The following ZNF704 variants were observed in gnomAD, a reference collection of about 807,000 sequenced individuals.
The protein encoded by ZNF704 is glucocorticoid induced gene 1.
ZNF704 carries 10 observed loss-of-function variants against 44.7 expected under a neutral mutation model. The ratio of observed to expected loss-of-function variants is 0.22; its 90% confidence interval spans 0.14 to 0.38. ZNF704 has a LOEUF of 0.38. Among genes scored for constraint, ZNF704 ranks in the 10% least tolerant of loss-of-function variants. The pLI is 1.00. For synonymous variants in ZNF704, 211 were observed against 207.6 expected (o/e 1.02, Z -0.14); for missense variants, 390 against 545.5 (o/e 0.71, Z 2.84).
intron 2 of ZNF704, among the ~76,000 whole-genome samples, chr8:80,736,260 G>A (rs1471171595): frequency 2.6e-5 from 4 of 152,120 alleles, no homozygotes; most frequent in African/African-American, 4.8e-5. Flanking sequence ...CGGAATGTTG[G>A]TAGCCCATAT....
intron 2 of ZNF704, among the ~76,000 whole-genome samples, chr8:80,786,153 C>T (rs1460698986): frequency 6.6e-6 from 1 of 152,168 alleles, no homozygotes; most frequent in Non-Finnish European, 1.5e-5. Flanking sequence ...GTTCCAGCTA[C>T]TCGGGAGGCT....
intron 2 of ZNF704, among the ~76,000 whole-genome samples, chr8:80,798,060 TC>T (rs1324829014): frequency 6.6e-6 from 1 of 152,180 alleles, no homozygotes; most frequent in African/African-American, 2.4e-5. Context: ...GCTCTTTTTT[TC>T]ATTTTAATTT....
At chr8:80,858,671 C>A (rs547850007) in intron 1 of ZNF704, among the ~76,000 whole-genome samples, 2 of 150,890 alleles carry the variant, frequency 1.3e-5, no homozygotes, top group Non-Finnish European at 2.9e-5. Flanking sequence ...GGCAACACAG[C>A]GAGATTCTGT....
At chr8:80,841,021 C>T (rs1808668752) in intron 1 of ZNF704, among the ~76,000 whole-genome samples, 1 of 152,164 alleles carries the variant, frequency 6.6e-6, no homozygotes. Context: ...AACAAGACAA[C>T]TGCACATAGC....
intron 2 of ZNF704, among the ~76,000 whole-genome samples, chr8:80,795,610 C>T (rs1254395103): frequency 1.3e-5 from 2 of 151,510 alleles, no homozygotes; most frequent in Non-Finnish European, 2.9e-5. Context: ...CCTAGCTACT[C>T]GGGAGGCTGC....
intron 7 of ZNF704, among the ~76,000 whole-genome samples, chr8:80,653,295 CAT>C (rs1817954146): frequency 6.6e-6 from 1 of 152,116 alleles, no homozygotes. Flanking sequence ...TCCTATTCAA[CAT>C]AGTGTTGGAA....
chr8:80,687,335 G>C lies in ZNF704; in HGVS notation c.449C>G (p.Ser150Trp), dbSNP rs756788376. Residue 150 changes from serine to tryptophan, a missense_variant, in exon 4 of 9, where the codon TCG becomes TGG. By Grantham distance (177) the Ser-to-Trp change is radical. Coordinates refer to ENST00000327835, the MANE Select transcript of ZNF704 (RefSeq NM_001033723.3). Reference sequence around the variant, plus strand: ...GCGGAAGGGCTTGAAGCTGTCAGCCGAGAGCGGCGGCGACGGCGTGGACGG... The same window carrying C: ...GCGGAAGGGCTTGAAGCTGTCAGCCCAGAGCGGCGGCGACGGCGTGGACGG... ...SNPSTPSPPL[S>W]ADSFKPFRSP... The C allele has an allele frequency of 3.7e-6, 6 of 1,611,024 alleles. No individual in the cohort carries two copies. The highest frequency in any genetic ancestry group is 5.1e-6 in the Non-Finnish European group (6 of 1,179,742).
intron 1 of ZNF704, among the ~76,000 whole-genome samples, chr8:80,843,778 C>A (rs1311909293): frequency 1.3e-5 from 2 of 151,850 alleles, no homozygotes; most frequent in Non-Finnish European, 2.9e-5. Context: ...TTATTCCAGC[C>A]CACACATACA....
Position 80,825,534 on chromosome 8 carries a change from A to G in ZNF704, c.-21-3919T>C, listed in dbSNP as rs570399887. On this transcript the variant is annotated intron_variant, in intron 1 of 8. Transcript: ENST00000327835. ...CAGATCAACAAGACAGAAAGTTAAC[A>G]AGGATATTCAGGAATTGAACTCAGC... 9.9e-4 allele frequency among the ~76,000 whole-genome samples: 151 copies of G among 152,332 alleles called. 1 individual carries two copies. Among genetic ancestry groups the G allele is most frequent in the African/African-American group, 3.4e-3 (142 of 41,562 alleles).
chr8:80,785,427 G>A (rs1319409024), intron 2 of ZNF704, among the ~76,000 whole-genome samples: 1 of 152,148 alleles, frequency 6.6e-6, no homozygotes, highest in Non-Finnish European at 1.5e-5. Flanking sequence ...TACTGAAAAA[G>A]TGAAGGGTTA....
intron 1 of ZNF704, among the ~76,000 whole-genome samples, chr8:80,825,187 G>A (rs1457350354): frequency 5.3e-5 from 8 of 152,112 alleles, no homozygotes; most frequent in East Asian, 1.9e-4. Flanking sequence ...CCCATCTCAC[G>A]TGCAGAGACA....
chr8:80,703,800 T>G (rs1237511541), intron 2 of ZNF704, among the ~76,000 whole-genome samples: 1 of 152,178 alleles, frequency 6.6e-6, no homozygotes, highest in African/African-American at 2.4e-5. Flanking sequence ...AATGAAGGTT[T>G]TGTGGACAAA....
chr8:80,655,838 C>T (rs1818006122), intron 7 of ZNF704, among the ~76,000 whole-genome samples: 1 of 152,166 alleles, frequency 6.6e-6, no homozygotes. Context: ...AACCTCAAAC[C>T]AGCTAAGCAT....
chr8:80,729,198 C>T (rs1251523311), intron 2 of ZNF704, among the ~76,000 whole-genome samples: 2 of 151,994 alleles, frequency 1.3e-5, no homozygotes, highest in Admixed American at 1.3e-4. Context: ...TAAGAAAGAG[C>T]AGATGGAGGA....
intron 4 of ZNF704, among the ~76,000 whole-genome samples, chr8:80,684,874 G>A (rs906878736): frequency 6.6e-6 from 1 of 152,100 alleles, no homozygotes; most frequent in Non-Finnish European, 1.5e-5. Flanking sequence ...AATAGCATCA[G>A]CCTCACCTTC....
intron 4 of ZNF704, among the ~76,000 whole-genome samples, chr8:80,678,301 C>T (rs951288343): frequency 6.6e-6 from 1 of 152,160 alleles, no homozygotes; most frequent in Non-Finnish European, 1.5e-5. Flanking sequence ...AGGGGGCAAT[C>T]GCAAAACAAA....
At chr8:80,771,092 C>T (rs765410699) in intron 2 of ZNF704, among the ~76,000 whole-genome samples, 1 of 152,156 alleles carries the variant, frequency 6.6e-6, no homozygotes, top group Non-Finnish European at 1.5e-5. Context: ...TATCTCTCCA[C>T]AAATAGCACA....
intron 1 of ZNF704, among the ~76,000 whole-genome samples, chr8:80,824,462 G>A (rs996449120): frequency 4.6e-5 from 7 of 152,192 alleles, no homozygotes; most frequent in Admixed American, 1.3e-4. Flanking sequence ...TGGTGTACCC[G>A]AAAATGACGG....
chr8:80,764,236 C>A (rs1259885647), intron 2 of ZNF704, among the ~76,000 whole-genome samples: 2 of 152,138 alleles, frequency 1.3e-5, no homozygotes, highest in African/African-American at 4.8e-5. Context: ...TTTCACACCA[C>A]TATAAAGAAA....
Sources: gnomAD v4.1 joint callset for allele counts (sites outside exome capture counted in the v4.1 genomes callset) on GRCh38, gnomAD v4.1.1 for gene constraint, MANE v1.5 for transcripts, NCBI Gene and HGNC (gene_info 2026-07-23, HGNC 2026-07-21) for gene names.